TXNDC11: variants seen among roughly 807,000 people sequenced by gnomAD.
TXNDC11 encodes the protein thioredoxin domain containing 11, also known as thioredoxin domain-containing protein 11.
In TXNDC11, 68 loss-of-function variants were observed where a neutral mutation model predicts 78.0. That is an observed-to-expected ratio of 0.87 (90% CI 0.72 to 1.07). The LOEUF is 1.07. TXNDC11 is among the 50% of genes least tolerant of loss of function. TXNDC11 has a pLI of 0.00. For missense variants in TXNDC11, 1,389 were observed against 1,221.8 expected (o/e 1.14, Z -2.04); for synonymous variants, 571 against 495.2 (o/e 1.15, Z -2.03).
chr16:11,723,121 G>A (rs147014043), intron 4 of TXNDC11, among the ~76,000 whole-genome samples: 1,768 of 152,042 alleles, frequency 0.012, 34 homozygotes, highest in African/African-American at 0.041. Flanking sequence ...AGCCAGGTGT[G>A]GTGGTACATG....
chr16:11,721,084 T>A (rs1002152738), intron 5 of TXNDC11, among the ~76,000 whole-genome samples: 2 of 151,916 alleles, frequency 1.3e-5, no homozygotes, highest in Non-Finnish European at 2.9e-5. Flanking sequence ...CGAGACTATA[T>A]GTGAAACAGA....
chr16:11,704,876 A>G (rs931451059), intron 5 of TXNDC11, among the ~76,000 whole-genome samples: 2 of 152,034 alleles, frequency 1.3e-5, no homozygotes, highest in African/African-American at 2.4e-5. Flanking sequence ...TCTGCAGTTT[A>G]GTGAATAGGA....
chr16:11,703,044 T>C (rs1387137530), intron 5 of TXNDC11, among the ~76,000 whole-genome samples: 1 of 152,158 alleles, frequency 6.6e-6, no homozygotes, highest in African/African-American at 2.4e-5. Flanking sequence ...TTTTTGTATC[T>C]GACTCCTAGG....
At chr16:11,738,353 A>G (rs11642852) in intron 1 of TXNDC11, among the ~76,000 whole-genome samples, 59,909 of 152,084 alleles carry the variant, frequency 0.39, 12,207 homozygotes, top group Non-Finnish European at 0.44. Flanking sequence ...TCACTTACAC[A>G]ATTATTCAAA....
intron 4 of TXNDC11, among the ~76,000 whole-genome samples, chr16:11,726,359 G>T (rs2051877052): frequency 6.6e-6 from 1 of 152,058 alleles, no homozygotes; most frequent in South Asian, 2.1e-4. Context: ...GAGGCAGGCA[G>T]ATCACGAGGT....
intron 4 of TXNDC11, among the ~76,000 whole-genome samples, chr16:11,726,802 C>G (rs934879012): frequency 1.3e-5 from 2 of 152,102 alleles, no homozygotes; most frequent in African/African-American, 2.4e-5. Flanking sequence ...CACCTGTAAT[C>G]CTAGCATTTT....
chr16:11,684,141 C>T, intron 11 of TXNDC11, 24 bp downstream of exon 11: 3 of 1,565,954 alleles, frequency 1.9e-6, no homozygotes, highest in Non-Finnish European at 2.6e-6. Context: ...CAACTGCCCA[C>T]CAGTGACAAA....
chr16:11,692,970 TACTCCC>T (rs1457787279), intron 7 of TXNDC11, among the ~76,000 whole-genome samples: 1 of 152,184 alleles, frequency 6.6e-6, no homozygotes, highest in Non-Finnish European at 1.5e-5. Flanking sequence ...AAGCTAGTCC[TACTCCC>T]ACTCCAGGAA....
rs148648429 is a variant in TXNDC11 at position 11,679,624 on chromosome 16, G to A, written c.2448C>T (p.Ser816=). 1 of 1,614,180 alleles carries A rather than the reference G, an allele frequency of 6.2e-7. No individual in the cohort carries two copies. Among genetic ancestry groups the A allele is most frequent in the Non-Finnish European group, 8.5e-7 (1 of 1,180,032 alleles). Residue 816 remains serine, a synonymous_variant, in exon 12 of 12, where the codon AGC becomes AGT. Transcript: ENST00000283033. This position sits in a 1 kb window ranked among gnomAD's most constrained non-coding sequence, Gnocchi z 4.6. The part of the protein sequence containing the change: ...EIQKLRAEIS[S]LQRAQVQVES... ...CCACCTGCACTTGTGCTCGCTGGAG[G>A]CTGCTTATTTCTGCTCTCAGTTTCT...
At chr16:11,713,425 CT>C (rs998517865) in intron 5 of TXNDC11, among the ~76,000 whole-genome samples, 15 of 151,038 alleles carry the variant, frequency 9.9e-5, no homozygotes, top group African/African-American at 3.4e-4. Context: ...ATTTTTTTTC[CT>C]TTTTTTTGAG....
At chr16:11,741,734 T>A (rs1235629122) in intron 1 of TXNDC11, among the ~76,000 whole-genome samples, 1 of 152,112 alleles carries the variant, frequency 6.6e-6, no homozygotes, top group Non-Finnish European at 1.5e-5. Flanking sequence ...TAGGTGCAGA[T>A]AAATAATCGT....
At position 11,710,873 on chromosome 16, in the gene TXNDC11, A is replaced by C. The variant is rs58009905; in HGVS notation, c.794-10309T>G. On this transcript the variant is annotated intron_variant, in intron 5 of 11. Transcript: ENST00000283033. ...CTTCAGGACTCATTGGCCCCTGTCT[A>C]TCTATGCTTATTGTTAGGAAGATAC... Among the ~76,000 whole-genome samples the C allele has an allele frequency of 6.6e-5, 10 of 152,250 alleles. No homozygotes were observed. The South Asian group carries it at 2.1e-3, about 32-fold the overall frequency.
intron 10 of TXNDC11, among the ~76,000 whole-genome samples, 163 bp from the exon 11 acceptor site, chr16:11,684,408 T>C (rs1281358712): frequency 6.6e-6 from 1 of 152,194 alleles, no homozygotes; most frequent in Non-Finnish European, 1.5e-5. Flanking sequence ...TGGGCGCTGA[T>C]ACTTCCAAGA....
intron 1 of TXNDC11, 69 bp from the exon 2 acceptor site, chr16:11,736,302 G>A: frequency 7.9e-7 from 1 of 1,272,386 alleles, no homozygotes; most frequent in Non-Finnish European, 1.1e-6. Context: ...TGTGGAAGTA[G>A]AATGAAGCTT....
intron 2 of TXNDC11, among the ~76,000 whole-genome samples, chr16:11,734,972 C>T (rs1207959863): frequency 6.6e-6 from 1 of 152,166 alleles, no homozygotes; most frequent in Non-Finnish European, 1.5e-5. Flanking sequence ...ACGGAAGAGT[C>T]GTCCATAGCA....
chr16:11,707,018 A>G (rs1296827149), intron 5 of TXNDC11, among the ~76,000 whole-genome samples: 1 of 152,178 alleles, frequency 6.6e-6, no homozygotes, highest in Non-Finnish European at 1.5e-5. Context: ...GTGGGACTTG[A>G]GTATGCAAAT....
At chr16:11,698,942 G>A (rs2050934290) in intron 6 of TXNDC11, among the ~76,000 whole-genome samples, 1 of 152,200 alleles carries the variant, frequency 6.6e-6, no homozygotes, top group Non-Finnish European at 1.5e-5. Context: ...AAATGAAAGA[G>A]ACACCTAGAT....
At chr16:11,724,710 G>A (rs1273641208) in intron 4 of TXNDC11, among the ~76,000 whole-genome samples, 2 of 152,072 alleles carry the variant, frequency 1.3e-5, no homozygotes, top group Non-Finnish European at 2.9e-5. Context: ...CAAGGAAGAG[G>A]GATTCCACAA....
chr16:11,736,784 T>C (rs1020096220), intron 1 of TXNDC11, among the ~76,000 whole-genome samples: 1 of 152,198 alleles, frequency 6.6e-6, no homozygotes, highest in African/African-American at 2.4e-5. Flanking sequence ...CAGATATATA[T>C]CATAATCCTA....
Sources: allele counts gnomAD v4.1 joint callset (sites outside exome capture counted in the v4.1 genomes callset), GRCh38; gene constraint gnomAD v4.1.1; non-coding constraint Gnocchi (gnomAD v3.1); transcripts MANE v1.5; gene names NCBI Gene and HGNC (gene_info 2026-07-23, HGNC 2026-07-21).